CPVL: variants seen among roughly 807,000 people sequenced by gnomAD.
The protein encoded by CPVL is carboxypeptidase vitellogenic like, also known as probable serine carboxypeptidase CPVL.
CPVL carries 51 observed loss-of-function variants against 63.7 expected under a neutral mutation model. The ratio of observed to expected loss-of-function variants is 0.80; its 90% CI spans 0.64 to 1.01. CPVL has a LOEUF of 1.01. Ranked by LOEUF, CPVL falls within the 50% of genes least tolerant of loss-of-function variation. CPVL has a pLI of 0.00. For missense variants in CPVL, 530 were observed against 573.1 expected (o/e 0.92, Z 0.77); for synonymous variants, 195 against 206.0 (o/e 0.95, Z 0.46).
Position 29,071,570 on chromosome 7 carries a change from T to C in CPVL, c.864+203A>G, listed in dbSNP as rs569864932. Among the ~76,000 whole-genome samples, 54 of 152,352 alleles carry C rather than the reference T, an allele frequency of 3.5e-4. 1 individual carries two copies. Among genetic ancestry groups the C allele is most frequent in the South Asian group, 2.3e-3 (11 of 4,826 alleles). On this transcript the variant is annotated intron_variant, in intron 9 of 12. Coordinates refer to ENST00000265394, the MANE Select transcript of CPVL (RefSeq NM_031311.5). ...CCAAGATGATCTCAGGCTTAAAATA[T>C]AGCCAAAGTAAATTCAAAGGAACAC...
At chr7:29,005,320 G>T (rs551788400) in intron 12 of CPVL, among the ~76,000 whole-genome samples, 49 of 152,170 alleles carry the variant, frequency 3.2e-4, no homozygotes, top group African/African-American at 1.1e-3. Context: ...TTCCCTTTAA[G>T]AAGTGAAGAG....
intron 3 of CPVL, among the ~76,000 whole-genome samples, chr7:29,099,597 A>G (rs1408445173): frequency 6.6e-6 from 1 of 152,280 alleles, no homozygotes; most frequent in East Asian, 1.9e-4. Flanking sequence ...CTGTAATCCT[A>G]GCTACTTTAG....
At chr7:29,109,827 G>A (rs368038790) in intron 3 of CPVL, among the ~76,000 whole-genome samples, 5 of 152,312 alleles carry the variant, frequency 3.3e-5, no homozygotes, top group African/African-American at 1.2e-4. Context: ...GTCAGGGGAT[G>A]CACAGCTAGG....
chr7:29,178,536 G>A (rs560319657), intron 5 of CPVL, among the ~76,000 whole-genome samples: 50 of 152,156 alleles, frequency 3.3e-4, no homozygotes, highest in Middle Eastern at 3.4e-3. Flanking sequence ...CACATCCTCC[G>A]AGAGACGTTG....
In CPVL at chr7:29,103,258, T is replaced by C. The variant is rs376513023; in HGVS notation, c.289-7041A>G. Among the ~76,000 whole-genome samples the C allele has an allele frequency of 8.6e-5, 13 of 150,390 alleles. 2 individuals are homozygous for C. The highest frequency in any genetic ancestry group is 3.2e-4 in the African/African-American group (13 of 40,846). Reference sequence around the variant, plus strand: ...CATAATTGTTGTTTTGTTTTTTTTTTTTTTTGAGATGGAGGCTTGCTCTGT... The same window carrying C: ...CATAATTGTTGTTTTGTTTTTTTTTCTTTTTGAGATGGAGGCTTGCTCTGT... On this transcript the variant is annotated intron_variant, in intron 3 of 12. Coordinates refer to ENST00000265394, the MANE Select transcript of CPVL (RefSeq NM_031311.5).
At chr7:29,188,045 G>A (rs1584644359) in intron 1 of CPVL, among the ~76,000 whole-genome samples, 2 of 152,168 alleles carry the variant, frequency 1.3e-5, no homozygotes, top group East Asian at 3.8e-4. Context: ...TACTCGCATA[G>A]AGGTGATGTA....
intron 3 of CPVL, among the ~76,000 whole-genome samples, chr7:29,111,629 T>C (rs1010403204): frequency 6.6e-6 from 1 of 152,202 alleles, no homozygotes; most frequent in Non-Finnish European, 1.5e-5. Context: ...CACCATTTCT[T>C]ACATGCCCCA....
upstream of CPVL, among the ~76,000 whole-genome samples, chr7:29,147,546 T>A (rs901271104): frequency 6.6e-6 from 1 of 152,368 alleles, no homozygotes; most frequent in East Asian, 1.9e-4. Flanking sequence ...GTACCTACTT[T>A]ATTGGGTTGT....
intron 3 of CPVL, among the ~76,000 whole-genome samples, chr7:29,098,436 G>A (rs565867935): frequency 2.3e-4 from 35 of 152,320 alleles, no homozygotes; most frequent in Middle Eastern, 3.4e-3. Context: ...CCTATGAGGC[G>A]CCACCTCTCG....
At chr7:29,069,070 G>T (rs895444517) in intron 9 of CPVL, among the ~76,000 whole-genome samples, 13 of 152,060 alleles carry the variant, frequency 8.5e-5, no homozygotes, top group African/African-American at 3.1e-4. Flanking sequence ...GGAACTCATT[G>T]TTAGAAATTA....
At chr7:29,118,082 G>A (rs1244712880) in intron 2 of CPVL, among the ~76,000 whole-genome samples, 1 of 152,142 alleles carries the variant, frequency 6.6e-6, no homozygotes, top group Non-Finnish European at 1.5e-5. Context: ...CACTTTAGAA[G>A]AACACTTTAG....
At chr7:29,093,433 T>C (rs1441834824) in intron 5 of CPVL, among the ~76,000 whole-genome samples, 1 of 151,738 alleles carries the variant, frequency 6.6e-6, no homozygotes, top group Non-Finnish European at 1.5e-5. Context: ...AAAAGGTAGT[T>C]GTACATTGTC....
At chr7:29,172,443 C>T (rs1362388209) in intron 5 of CPVL, among the ~76,000 whole-genome samples, 1 of 152,142 alleles carries the variant, frequency 6.6e-6, no homozygotes, top group Non-Finnish European at 1.5e-5. Flanking sequence ...CATCTATCAT[C>T]ATATTGCCAC....
intron 5 of CPVL, among the ~76,000 whole-genome samples, chr7:29,154,328 A>T (rs935516277): frequency 2.0e-5 from 3 of 152,190 alleles, no homozygotes; most frequent in African/African-American, 7.2e-5. Context: ...GTATGCAGTG[A>T]ATCAGCCTCT....
At chr7:29,145,796 A>G (rs572385301) in intron 1 of CPVL, 1 of 152,182 alleles carries the variant, frequency 6.6e-6, no homozygotes, top group South Asian at 2.1e-4. Context: ...CAAGGCCAGA[A>G]CTGGGATTTA....
intron 11 of CPVL, among the ~76,000 whole-genome samples, chr7:29,033,204 T>C (rs1193459301): frequency 1.4e-5 from 2 of 147,220 alleles, no homozygotes; most frequent in African/African-American, 5.0e-5. Context: ...CAGCATTAAA[T>C]ATAAGAATTC....
At chr7:29,066,409 TTGAG>T (rs552102398) in intron 9 of CPVL, among the ~76,000 whole-genome samples, 4 of 152,302 alleles carry the variant, frequency 2.6e-5, no homozygotes, top group Admixed American at 2.6e-4. Flanking sequence ...TGATAAACTC[TTGAG>T]TATGTTAGGG....
intron 3 of CPVL, among the ~76,000 whole-genome samples, chr7:29,100,375 G>C (rs1786992145): frequency 6.6e-6 from 1 of 152,182 alleles, no homozygotes. Context: ...CTGTGGGGAG[G>C]AGGCCTCATC....
intron 7 of CPVL, among the ~76,000 whole-genome samples, chr7:29,077,563 G>C (rs1784353660): frequency 1.3e-5 from 2 of 152,098 alleles, no homozygotes; most frequent in African/African-American, 4.8e-5. Flanking sequence ...TGCCCTGCTT[G>C]AACCCCACTC....
Sources: gnomAD v4.1 joint callset for allele counts (sites outside exome capture counted in the v4.1 genomes callset) on GRCh38, gnomAD v4.1.1 for gene constraint, MANE v1.5 for transcripts, NCBI Gene and HGNC (gene_info 2026-07-23, HGNC 2026-07-21) for gene names.